Variants in SEMA3A observed in about 807,000 individuals in gnomAD.
SEMA3A encodes the protein semaphorin-3A.
A neutral mutation model predicts 97.9 loss-of-function variants in SEMA3A; 29 were observed. The observed-to-expected ratio is 0.30, with a 90% CI of 0.22 to 0.40. The LOEUF is 0.40. Among genes scored for constraint, SEMA3A ranks in the 10% least tolerant of loss-of-function variants. The pLI is 1.00. For synonymous variants in SEMA3A, 321 were observed against 323.7 expected, an observed-to-expected ratio of 0.99 and a Z score of 0.09; for missense variants, 763 against 951.3, an observed-to-expected ratio of 0.80 and a Z score of 2.60.
At chr7:84,244,066 A>G (rs1056876613) in intron 3 of SEMA3A, among the ~76,000 whole-genome samples, 2 of 152,166 alleles carry the variant, frequency 1.3e-5, no homozygotes, top group African/African-American at 4.8e-5. Flanking sequence ...AAGAATGTAT[A>G]TTCTGTTGAT....
chr7:84,136,882 C>T (rs985292607), intron 1 of SEMA3A, among the ~76,000 whole-genome samples: 1 of 151,376 alleles, frequency 6.6e-6, no homozygotes, highest in Non-Finnish European at 1.5e-5. Flanking sequence ...GCCTTACTCC[C>T]TACCCCACCC....
intron 2 of SEMA3A, among the ~76,000 whole-genome samples, chr7:84,330,490 A>G (rs960628601): frequency 1.3e-5 from 2 of 152,100 alleles, no homozygotes; most frequent in African/African-American, 4.8e-5. Flanking sequence ...GTTTAGATGA[A>G]TATCATAGTA....
At chr7:84,221,352 C>A (rs1798876933) in intron 3 of SEMA3A, among the ~76,000 whole-genome samples, 2 of 151,964 alleles carry the variant, frequency 1.3e-5, no homozygotes, top group African/African-American at 2.4e-5. Flanking sequence ...AGCTGTTTTA[C>A]CTTCTTATCA....
intron 1 of SEMA3A, among the ~76,000 whole-genome samples, chr7:84,468,291 C>T (rs1806057070): frequency 6.6e-6 from 1 of 152,158 alleles, no homozygotes; most frequent in African/African-American, 2.4e-5. Flanking sequence ...GAGCCCTTTT[C>T]CCCATCTTCC....
intron 1 of SEMA3A, among the ~76,000 whole-genome samples, chr7:84,403,144 T>C (rs1308219116): frequency 6.6e-6 from 1 of 152,122 alleles, no homozygotes; most frequent in Non-Finnish European, 1.5e-5. Flanking sequence ...TTCCCTTTCC[T>C]AGTCAAAGAA....
intron 1 of SEMA3A, among the ~76,000 whole-genome samples, chr7:84,375,700 A>G (rs1358843927): frequency 2.6e-5 from 4 of 152,186 alleles, no homozygotes; most frequent in Non-Finnish European, 5.9e-5. Flanking sequence ...GAATATTCAA[A>G]ATTCTATCTT....
intron 1 of SEMA3A, among the ~76,000 whole-genome samples, chr7:84,466,179 T>G (rs1255169566): frequency 6.6e-6 from 1 of 152,146 alleles, no homozygotes; most frequent in Non-Finnish European, 1.5e-5. Flanking sequence ...GTTTGTTTGT[T>G]TGTTTGCTTT....
chr7:84,218,652 T>A (rs1798804824), intron 3 of SEMA3A, among the ~76,000 whole-genome samples: 1 of 152,100 alleles, frequency 6.6e-6, no homozygotes, highest in South Asian at 2.1e-4. Flanking sequence ...ATGAATGACA[T>A]TTTTTCTTAA....
intron 3 of SEMA3A, among the ~76,000 whole-genome samples, chr7:84,264,432 A>G (rs993712540): frequency 1.1e-4 from 17 of 152,206 alleles, no homozygotes; most frequent in Non-Finnish European, 5.9e-5. Flanking sequence ...CCAAGAGTCT[A>G]TAACAAAAAT....
chr7:84,001,585 A>G, intron 12 of SEMA3A, among the ~76,000 whole-genome samples: 1 of 152,164 alleles, frequency 6.6e-6, no homozygotes, highest in East Asian at 1.9e-4. Context: ...TATTTCCTTT[A>G]GTACATTCAT....
intron 1 of SEMA3A, among the ~76,000 whole-genome samples, chr7:84,459,481 A>G (rs1375015377): frequency 6.6e-6 from 1 of 152,202 alleles, no homozygotes; most frequent in Non-Finnish European, 1.5e-5. Context: ...TCTTTGTAGC[A>G]GGTAAACAGT....
intron 3 of SEMA3A, among the ~76,000 whole-genome samples, chr7:84,286,199 TA>T (rs1473158737): frequency 6.6e-6 from 1 of 152,116 alleles, no homozygotes; most frequent in African/African-American, 2.4e-5. Context: ...GAAGAAAAAT[TA>T]AATAGATATG....
chr7:84,426,763 C>T (rs1211248067), intron 1 of SEMA3A, among the ~76,000 whole-genome samples: 2 of 152,044 alleles, frequency 1.3e-5, no homozygotes, highest in Non-Finnish European at 2.9e-5. Context: ...ATAACTTCTA[C>T]CACTAATCTT....
intron 1 of SEMA3A, among the ~76,000 whole-genome samples, chr7:84,467,670 A>G (rs1806038087): frequency 6.6e-6 from 1 of 151,828 alleles, no homozygotes; most frequent in Admixed American, 6.6e-5. Context: ...TTTTCAATGC[A>G]TCCCAACATC....
At chr7:84,001,931 C>T (rs768664397) in intron 12 of SEMA3A, 24 bp downstream of exon 12, 2 of 1,536,460 alleles carry the variant, frequency 1.3e-6, no homozygotes, top group South Asian at 1.1e-5. Context: ...AACTTGTTGA[C>T]ACTTGAAATT....
rs913282610 is a variant in SEMA3A at position 84,085,402 on chromosome 7, GA to G, written c.454-24845del. On this transcript the variant is annotated intron_variant, in intron 4 of 16. Coordinates refer to ENST00000265362, the MANE Select transcript of SEMA3A (RefSeq NM_006080.3). ...TAAAATCGTAGACACTATTCTGGGAGAAAAAAAAAAGTAAACTAGTGGGCTG... is the reference window on the plus strand; with the variant it reads ...TAAAATCGTAGACACTATTCTGGGAGAAAAAAAAAGTAAACTAGTGGGCTG... 4.6e-4 allele frequency among the ~76,000 whole-genome samples: 67 copies of G among 146,380 alleles called. No individual in the cohort carries two copies. The Middle Eastern group carries it at 0.014, about 31-fold the overall frequency.
chr7:84,297,977 C>A (rs891075076), intron 3 of SEMA3A, among the ~76,000 whole-genome samples: 3 of 152,236 alleles, frequency 2.0e-5, no homozygotes, highest in Non-Finnish European at 4.4e-5. Context: ...CAATAATTCC[C>A]AATCTCTCCT....
At chr7:84,212,370 C>A (rs1303504338) in intron 3 of SEMA3A, among the ~76,000 whole-genome samples, 3 of 152,144 alleles carry the variant, frequency 2.0e-5, no homozygotes, top group Non-Finnish European at 2.9e-5. Flanking sequence ...GAAATTAATT[C>A]TCTTTTCTTT....
intron 4 of SEMA3A, among the ~76,000 whole-genome samples, chr7:84,065,803 A>C (rs1793460495): frequency 6.6e-6 from 1 of 152,032 alleles, no homozygotes; most frequent in Admixed American, 6.5e-5. Flanking sequence ...AAAAGAGTCC[A>C]GGACCAGATG....
Sources: gnomAD v4.1 joint callset for allele counts (sites outside exome capture counted in the v4.1 genomes callset) on GRCh38, gnomAD v4.1.1 for gene constraint, MANE v1.5 for transcripts, NCBI Gene and HGNC (gene_info 2026-07-23, HGNC 2026-07-21) for gene names.